The following OSBPL10 variants were observed in gnomAD, a reference collection of about 807,000 sequenced individuals.
OSBPL10 encodes oxysterol binding protein like 10.
In OSBPL10, 49 loss-of-function variants were observed where a neutral mutation model predicts 81.7. That is an observed-to-expected ratio of 0.60 (90% CI 0.48 to 0.76). The LOEUF (loss-of-function observed/expected upper bound fraction) is 0.76, where lower values mean the gene tolerates loss of function less well. Among genes scored for constraint, OSBPL10 ranks in the 30% least tolerant of loss-of-function variants. OSBPL10 has a pLI of 0.00. For missense variants in OSBPL10, 923 were observed against 987.8 expected, an observed-to-expected ratio of 0.93 and a Z score of 0.88; for synonymous variants, 419 against 383.6, an observed-to-expected ratio of 1.09 and a Z score of -1.08.
intron 3 of OSBPL10, among the ~76,000 whole-genome samples, chr3:31,841,358 A>C (rs1700493600): frequency 6.6e-6 from 1 of 152,208 alleles, no homozygotes; most frequent in African/African-American, 2.4e-5. Flanking sequence ...TGAAGCACAA[A>C]GGAAAGCGCC....
chr3:31,675,945 CAAAA>C (rs773575072), intron 8 of OSBPL10, among the ~76,000 whole-genome samples: 2 of 59,176 alleles, frequency 3.4e-5, no homozygotes, highest in Non-Finnish European at 3.8e-5. Flanking sequence ...GACTCCATCT[CAAAA>C]AAAAAAAAAA....
chr3:32,010,748 C>T (rs80219100), intron 2 of OSBPL10, among the ~76,000 whole-genome samples: 1 of 152,218 alleles, frequency 6.6e-6, no homozygotes, highest in Non-Finnish European at 1.5e-5. Flanking sequence ...CACCCTAATA[C>T]TGCGATTTTC....
intron 3 of OSBPL10, among the ~76,000 whole-genome samples, chr3:31,850,493 G>C (rs1700737435): frequency 6.6e-6 from 1 of 152,162 alleles, no homozygotes. Flanking sequence ...GGTTACTTTG[G>C]AGAATAGAGT....
In OSBPL10 at chr3:31,733,942, G is replaced by A. The variant is rs531672862; in HGVS notation, c.941-531C>T. Among the ~76,000 whole-genome samples, 117 of 151,798 alleles carry A rather than the reference G, an allele frequency of 7.7e-4. 1 individual carries two copies. The South Asian group carries it at 9.2e-3, about 12-fold the overall frequency. On this transcript the variant is annotated intron_variant, in intron 5 of 11. Coordinates refer to ENST00000396556, the MANE Select transcript of OSBPL10 (RefSeq NM_017784.5). The stretch of plus-strand genomic sequence containing the variant: ...GGAGAATGGAGTGAACCTGGGAGGC[G>A]GAGCTTGCAGTGAGCTGAGATTGCG...
intron 8 of OSBPL10, among the ~76,000 whole-genome samples, chr3:31,674,123 G>A (rs1700395107): frequency 6.6e-6 from 1 of 152,172 alleles, no homozygotes. Flanking sequence ...GATCTCCAAT[G>A]TTGGAGGTGG....
intron 4 of OSBPL10, among the ~76,000 whole-genome samples, chr3:31,792,338 G>T (rs1285455262): frequency 2.6e-5 from 4 of 152,094 alleles, no homozygotes; most frequent in Non-Finnish European, 5.9e-5. Flanking sequence ...AAACATTCAG[G>T]AAGAGAAAAA....
intron 1 of OSBPL10, among the ~76,000 whole-genome samples, chr3:31,939,300 A>G (rs548646588): frequency 6.6e-6 from 1 of 151,720 alleles, no homozygotes; most frequent in South Asian, 2.1e-4. Context: ...GCATGCCACC[A>G]CACCCAGCTA....
At chr3:31,836,061 GAAGT>G (rs1247277436) in intron 3 of OSBPL10, among the ~76,000 whole-genome samples, 1 of 152,132 alleles carries the variant, frequency 6.6e-6, no homozygotes, top group South Asian at 2.1e-4. Context: ...ACCTAAAGTA[GAAGT>G]AAGATTCTTA....
rs549685801 is a variant in OSBPL10, at chr3:31,872,903, C to T, written c.537+3530G>A. Among the ~76,000 whole-genome samples the T allele has an allele frequency of 2.7e-3, 404 of 152,232 alleles. 1 individual carries two copies. The highest frequency in any genetic ancestry group is 0.02 in the South Asian group (95 of 4,820). On this transcript the variant is annotated intron_variant, in intron 3 of 11. Transcript: ENST00000396556. ...CCTCCCAAAGTGCTGGGATTACAGG[C>T]GTGAGCCACCACATCCAGCCTCAAA...
At chr3:32,059,253 G>A (rs916103306) in intron 1 of OSBPL10, among the ~76,000 whole-genome samples, 1 of 148,914 alleles carries the variant, frequency 6.7e-6, no homozygotes, top group African/African-American at 2.5e-5. Context: ...CCACGATCAT[G>A]CCACTCTACT....
At chr3:31,816,051 T>C (rs998604817) in intron 4 of OSBPL10, among the ~76,000 whole-genome samples, 3 of 152,124 alleles carry the variant, frequency 2.0e-5, no homozygotes, top group Non-Finnish European at 2.9e-5. Flanking sequence ...AGGGGCAAGA[T>C]AGACAGATGT....
At chr3:31,905,105 T>C (rs1337154742) in intron 1 of OSBPL10, among the ~76,000 whole-genome samples, 3 of 152,186 alleles carry the variant, frequency 2.0e-5, no homozygotes, top group Non-Finnish European at 2.9e-5. Flanking sequence ...GGAAGTATAA[T>C]ATGTCTGTCA....
chr3:31,878,622 T>A (rs907282748), intron 2 of OSBPL10, among the ~76,000 whole-genome samples: 2 of 152,204 alleles, frequency 1.3e-5, no homozygotes, highest in Non-Finnish European at 2.9e-5. Context: ...AGGAATGTAG[T>A]CCCTCAGTCT....
intron 1 of OSBPL10, chr3:32,065,386 G>A (rs1051955376): frequency 4.3e-5 from 4 of 92,084 alleles, no homozygotes; most frequent in African/African-American, 8.4e-5. Flanking sequence ...TTCATAAAGC[G>A]CTGGAGGTAT....
chr3:32,075,030 C>T (rs1001779340), intron 1 of OSBPL10, among the ~76,000 whole-genome samples: 2 of 152,210 alleles, frequency 1.3e-5, no homozygotes, highest in Admixed American at 1.3e-4. Context: ...AGTCATCCGA[C>T]TAATCCCTTT....
At chr3:31,789,567 G>A (rs1430381497) in intron 4 of OSBPL10, among the ~76,000 whole-genome samples, 1 of 152,226 alleles carries the variant, frequency 6.6e-6, no homozygotes, top group Non-Finnish European at 1.5e-5. Context: ...AAGAAGTGGT[G>A]GGGGACCAAG....
At chr3:31,736,796 A>G (rs1351105680) in intron 5 of OSBPL10, among the ~76,000 whole-genome samples, 1 of 152,204 alleles carries the variant, frequency 6.6e-6, no homozygotes. Flanking sequence ...GCTACTTGGA[A>G]GGCTGAGATG....
chr3:32,059,821 T>C (rs566621073), intron 1 of OSBPL10, among the ~76,000 whole-genome samples: 7 of 138,864 alleles, frequency 5.0e-5, no homozygotes, highest in Non-Finnish European at 1.1e-4. Flanking sequence ...CTGAGATGGG[T>C]GGATTGATTG....
intron 3 of OSBPL10, among the ~76,000 whole-genome samples, chr3:31,870,820 C>T (rs1701303850): frequency 6.6e-6 from 1 of 151,994 alleles, no homozygotes; most frequent in Non-Finnish European, 1.5e-5. Context: ...GTATCTAGCT[C>T]AAGGTTTGTA....
Sources: gnomAD v4.1 joint callset for allele counts (sites outside exome capture counted in the v4.1 genomes callset) on GRCh38, gnomAD v4.1.1 for gene constraint, MANE v1.5 for transcripts, NCBI Gene and HGNC (gene_info 2026-07-23, HGNC 2026-07-21) for gene names.